Variants in GPHN observed in about 807,000 individuals in gnomAD.
The protein encoded by GPHN is gephyrin.
A neutral mutation model predicts 95.5 loss-of-function variants in GPHN; 17 were observed. The observed-to-expected ratio is 0.18, with a 90% CI of 0.12 to 0.27. The LOEUF is 0.27. Ranked by LOEUF, GPHN falls within the 10% of genes least tolerant of loss-of-function variation. GPHN has a pLI of 1.00. For missense variants in GPHN, 660 were observed against 978.1 expected, an observed-to-expected ratio of 0.67 and a Z score of 4.34; for synonymous variants, 320 against 322.5, an observed-to-expected ratio of 0.99 and a Z score of 0.08.
the GPHN span, chr14:67,393,001 G>T: frequency 1.2e-6 from 1 of 863,870 alleles, no homozygotes; most frequent in Non-Finnish European, 1.9e-6. Flanking sequence ...TAGAGCCGTG[G>T]CTGCACACCC....
the GPHN span, chr14:67,201,691 A>C: frequency 5.5e-6 from 2 of 364,624 alleles, no homozygotes; most frequent in African/African-American, 4.2e-5. Context: ...TCCCTGAGCC[A>C]TGATATTGGA....
the GPHN span, among the ~76,000 whole-genome samples, chr14:67,391,276 T>TGTGTGTGTGA: frequency 6.8e-6 from 1 of 147,536 alleles, no homozygotes; most frequent in African/African-American, 2.6e-5. Flanking sequence ...CTGATATGTG[T>TGTGTGTGTGA]GTGTGTGTGT....
At chr14:67,230,960 C>A in the GPHN span, among the ~76,000 whole-genome samples, 3 of 152,182 alleles carry the variant, frequency 2.0e-5, no homozygotes. Flanking sequence ...CAGGAATCAT[C>A]CCCTTGCAGC....
chr14:67,600,286 T>G, the GPHN span: 1 of 1,232,424 alleles, frequency 8.1e-7, no homozygotes, highest in Non-Finnish European at 1.1e-6. Context: ...CCAGACCCGC[T>G]TCCGGCAGCC....
In GPHN at chr14:66,638,455, GACAACA is replaced by G. The variant is rs199574589; in HGVS notation, c.65-42641_65-42636del. Among the ~76,000 whole-genome samples the G allele has an allele frequency of 3.6e-3, 543 of 152,002 alleles. 3 individuals carry two copies. Among genetic ancestry groups the G allele is most frequent in the African/African-American group, 0.012 (503 of 41,486 alleles). On this transcript the variant is annotated intron_variant, in intron 1 of 22. Coordinates refer to ENST00000478722, the MANE Select transcript of GPHN (RefSeq NM_020806.5). ...ATCTCAAAACAACAAGAACAACAAC[GACAACA>G]ACAACAACAAACAAACAATGAAATA...
chr14:67,433,937 A>G, the GPHN span, among the ~76,000 whole-genome samples: 1 of 152,228 alleles, frequency 6.6e-6, no homozygotes, highest in Non-Finnish European at 1.5e-5. Flanking sequence ...ATGAAATTAG[A>G]TATCAGAGAC....
chr14:67,382,299 G>A, the GPHN span: 2 of 595,426 alleles, frequency 3.4e-6, no homozygotes, highest in Non-Finnish European at 5.6e-6. Context: ...TGCCAATTCT[G>A]TAGGACCCTA....
intron 5 of GPHN, among the ~76,000 whole-genome samples, chr14:66,885,740 C>G (rs140118889): frequency 1.7e-3 from 257 of 151,666 alleles, no homozygotes; most frequent in African/African-American, 5.9e-3. Flanking sequence ...TAGAAAGTCA[C>G]TATGCATGCC....
chr14:67,474,914 C>CTTTTTTTTTTTTTTTTTTTTTTTTTTTT, the GPHN span, among the ~76,000 whole-genome samples: 1 of 124,958 alleles, frequency 8.0e-6, no homozygotes, highest in Non-Finnish European at 1.6e-5. Context: ...GAATTTCCTT[C>CTTTTTTTTTTTTTTTTTTTTTTTTTTTT]TTTTTTTTTT....
chr14:67,301,499 T>C, the GPHN span: 1 of 1,464,218 alleles, frequency 6.8e-7, no homozygotes, highest in South Asian at 1.3e-5. Flanking sequence ...TATATGTGGT[T>C]TTTCCAGCAT....
chr14:66,753,269 G>C (rs1310802958), intron 2 of GPHN, among the ~76,000 whole-genome samples: 2 of 152,048 alleles, frequency 1.3e-5, no homozygotes, highest in African/African-American at 4.8e-5. Flanking sequence ...GAATATGTGT[G>C]ACAGTATTTT....
At chr14:67,720,280 C>T in the GPHN span, among the ~76,000 whole-genome samples, 1 of 150,544 alleles carries the variant, frequency 6.6e-6, no homozygotes, top group Non-Finnish European at 1.5e-5. Context: ...TCTACTAAAT[C>T]AATTAGTCTC....
chr14:67,254,058 C>G, the GPHN span: 13 of 117,650 alleles, frequency 1.1e-4, no homozygotes, highest in African/African-American at 4.4e-4. Flanking sequence ...TTAGGATGCT[C>G]TTCTTCTACA....
chr14:67,427,337 T>A, the GPHN span, among the ~76,000 whole-genome samples: 1 of 152,140 alleles, frequency 6.6e-6, no homozygotes, highest in South Asian at 2.1e-4. Context: ...GTTGAGAAGG[T>A]CTCGGGCAGG....
intron 1 of GPHN, among the ~76,000 whole-genome samples, chr14:66,519,047 T>A (rs2058370240): frequency 6.6e-6 from 1 of 152,044 alleles, no homozygotes; most frequent in South Asian, 2.1e-4. Flanking sequence ...TCTAATCTGA[T>A]CACCATACAT....
chr14:67,289,845 A>G, the GPHN span, among the ~76,000 whole-genome samples: 1 of 138,316 alleles, frequency 7.2e-6, no homozygotes, highest in Admixed American at 8.3e-5. Flanking sequence ...ATCTCGGTTC[A>G]CTGCAAGCTC....
At chr14:67,249,066 T>C in the GPHN span, among the ~76,000 whole-genome samples, 1 of 152,092 alleles carries the variant, frequency 6.6e-6, no homozygotes, top group African/African-American at 2.4e-5. Context: ...GGGTTCAAGT[T>C]ATTTTCCCTC....
At chr14:67,234,269 G>A in the GPHN span, among the ~76,000 whole-genome samples, 23,567 of 152,052 alleles carry the variant, frequency 0.15, 3,451 homozygotes, top group East Asian at 0.42. Flanking sequence ...TTAGAGCTTT[G>A]GGACACTCCA....
rs115485523 is a variant in GPHN, at chr14:67,153,541, A to G, written c.1837-5874A>G. Among the ~76,000 whole-genome samples the G allele has an allele frequency of 7.1e-3, 1,077 of 152,230 alleles. 5 individuals are homozygous for G. The highest frequency in any genetic ancestry group is 0.025 in the African/African-American group (1,029 of 41,552). Reference sequence around the variant, plus strand: ...CTAATTACTTCCCAAAGCCCCCACCATCACATTGGGATTGGAGTTTCAACA... The same window carrying G: ...CTAATTACTTCCCAAAGCCCCCACCGTCACATTGGGATTGGAGTTTCAACA... On this transcript the variant is annotated intron_variant, in intron 18 of 22. Coordinates refer to ENST00000478722, the MANE Select transcript of GPHN (RefSeq NM_020806.5).
Sources: gnomAD v4.1 joint callset for allele counts (sites outside exome capture counted in the v4.1 genomes callset) on GRCh38, gnomAD v4.1.1 for gene constraint, MANE v1.5 for transcripts, NCBI Gene and HGNC (gene_info 2026-07-23, HGNC 2026-07-21) for gene names.